Variants in KLF13 observed in about 807,000 individuals in gnomAD.
KLF13 encodes the protein Krueppel-like factor 13.
KLF13 carries 8 observed loss-of-function variants against 16.7 expected under a neutral mutation model. The observed-to-expected ratio is 0.48, with a 90% CI of 0.28 to 0.87. The LOEUF is 0.87. KLF13 is among the 40% of genes least tolerant of loss of function. The probability of loss-of-function intolerance (pLI) is 0.10; values close to 1 mark genes in which losing one functional copy is unlikely to be tolerated. For missense variants in KLF13, 447 were observed against 452.2 expected, an observed-to-expected ratio of 0.99 and a Z score of 0.10; for synonymous variants, 245 against 208.4, an observed-to-expected ratio of 1.18 and a Z score of -1.51.
At chr15:31,362,992 A>G (rs903822695) in intron 1 of KLF13, among the ~76,000 whole-genome samples, 5 of 152,242 alleles carry the variant, frequency 3.3e-5, no homozygotes, top group African/African-American at 1.2e-4. Flanking sequence ...TTGACTAATC[A>G]GGAGCATATC....
chr15:31,382,598 C>T (rs569484223), downstream of KLF13, among the ~76,000 whole-genome samples: 1 of 152,308 alleles, frequency 6.6e-6, no homozygotes, highest in Non-Finnish European at 1.5e-5. Context: ...ATTTCTGGGG[C>T]CTGAACACTG....
At position 31,369,524 on chromosome 15, in the gene KLF13, G is replaced by A. The variant is rs1484737443; in HGVS notation, c.578-2486G>A. Among the ~76,000 whole-genome samples the A allele has an allele frequency of 2.0e-5, 3 of 152,238 alleles. No homozygotes were observed. In the South Asian group the frequency reaches 6.2e-4, roughly 32 times the overall value. On this transcript the variant is annotated intron_variant, in intron 1 of 1. Coordinates refer to ENST00000307145, the MANE Select transcript of KLF13 (RefSeq NM_015995.4). ...TTTTGTATGTCTTTTATTTTTCCTGGAGTTTCTAATTGCCTCTTTTTTCTT... is the reference window on the plus strand; with the variant it reads ...TTTTGTATGTCTTTTATTTTTCCTGAAGTTTCTAATTGCCTCTTTTTTCTT...
intron 1 of KLF13, among the ~76,000 whole-genome samples, chr15:31,332,227 A>G (rs2038846000): frequency 6.6e-6 from 1 of 152,228 alleles, no homozygotes; most frequent in South Asian, 2.1e-4. Flanking sequence ...TTTCAAGGAA[A>G]GAGACCACAC....
chr15:31,353,948 T>G (rs1379015064), intron 1 of KLF13, among the ~76,000 whole-genome samples: 2 of 152,178 alleles, frequency 1.3e-5, no homozygotes, highest in Non-Finnish European at 2.9e-5. Context: ...CTGCCTAGCT[T>G]GAAGACCCCT....
In KLF13 at chr15:31,416,060, C is replaced by G. The variant is rs8042543; in HGVS notation, n.118-19310C>G. ...TGAACAATTGTATGCCAACAAGTTACGTAACAACAAATTAGATAAAACTGA... is the reference window on the plus strand; with the variant it reads ...TGAACAATTGTATGCCAACAAGTTAGGTAACAACAAATTAGATAAAACTGA... On this transcript the variant is annotated intron_variant and non_coding_transcript_variant, in intron 1 of 1. Coordinates refer to the KLF13 transcript ENST00000558225. 6.1e-4 allele frequency among the ~76,000 whole-genome samples: 93 copies of G among 152,022 alleles called. 1 individual carries two copies. In the Middle Eastern group the frequency reaches 0.014, roughly 22 times the overall value.
chr15:31,427,680 GA>G (rs1310377028), intron 1 of KLF13, among the ~76,000 whole-genome samples: 4 of 152,160 alleles, frequency 2.6e-5, no homozygotes, highest in Non-Finnish European at 4.4e-5. Context: ...TTATAAAGAA[GA>G]AAAGTTTAAT....
At chr15:31,340,454 A>G (rs2039002899) in intron 1 of KLF13, among the ~76,000 whole-genome samples, 1 of 152,200 alleles carries the variant, frequency 6.6e-6, no homozygotes, top group Non-Finnish European at 1.5e-5. Flanking sequence ...GGGCCCCAGC[A>G]TCCCTCCTCA....
At chr15:31,368,886 A>C (rs1426780740) in intron 1 of KLF13, among the ~76,000 whole-genome samples, 1 of 152,186 alleles carries the variant, frequency 6.6e-6, no homozygotes, top group African/African-American at 2.4e-5. Flanking sequence ...GGAGCTTGCA[A>C]CAAAAAAAAT....
intron 1 of KLF13, chr15:31,420,752 G>GCA: frequency 1.6e-4 from 36 of 226,266 alleles, no homozygotes; most frequent in Non-Finnish European, 2.7e-4. Flanking sequence ...GAGTGCAGTG[G>GCA]TGAGATCTCA....
At chr15:31,399,720 G>T (rs2040007732) in intron 2 of KLF13, among the ~76,000 whole-genome samples, 1 of 152,244 alleles carries the variant, frequency 6.6e-6, no homozygotes, top group African/African-American at 2.4e-5. Context: ...GTGCCAGGGT[G>T]GGGTCGCTGT....
intron 1 of KLF13, among the ~76,000 whole-genome samples, chr15:31,430,591 G>T (rs1000921928): frequency 2.6e-5 from 4 of 152,260 alleles, no homozygotes; most frequent in African/African-American, 9.6e-5. Flanking sequence ...CATTCACTCT[G>T]CCCTCGTGGC....
At chr15:31,420,625 A>G in intron 1 of KLF13, 1 of 407,270 alleles carries the variant, frequency 2.5e-6, no homozygotes, top group Admixed American at 3.4e-5. Context: ...CCTTCAAGAA[A>G]CCTATTCAAA....
chr15:31,411,714 A>C (rs1233918535), intron 1 of KLF13, among the ~76,000 whole-genome samples: 1 of 152,086 alleles, frequency 6.6e-6, no homozygotes, highest in African/African-American at 2.4e-5. Flanking sequence ...CCAAACAAAA[A>C]TTTTTTAAAA....
intron 1 of KLF13, among the ~76,000 whole-genome samples, chr15:31,426,794 AG>A (rs1218357989): frequency 3.3e-5 from 5 of 152,212 alleles, no homozygotes; most frequent in African/African-American, 1.2e-4. Context: ...TTGGTGTGCA[AG>A]TCAGTGGACC....
chr15:31,365,798 T>G (rs1330840979), intron 1 of KLF13, among the ~76,000 whole-genome samples: 1 of 151,928 alleles, frequency 6.6e-6, no homozygotes, highest in African/African-American at 2.4e-5. Context: ...TGCATTTGCA[T>G]GTGGCTGCTG....
chr15:31,432,480 A>C (rs1214501884), intron 1 of KLF13, among the ~76,000 whole-genome samples: 8 of 122,792 alleles, frequency 6.5e-5, no homozygotes, highest in Non-Finnish European at 9.7e-5. Flanking sequence ...ATAAGGTCTT[A>C]CTCCGTTGCC....
chr15:31,402,784 CCTGGGATGTGTAGG>C (rs2040056897), intron 2 of KLF13, among the ~76,000 whole-genome samples: 1 of 152,204 alleles, frequency 6.6e-6, no homozygotes, highest in Non-Finnish European at 1.5e-5. Flanking sequence ...TCCTCTTTCC[CCTGGGATGTGTAGG>C]CTGTTCTGGC....
At chr15:31,397,055 T>C (rs1309405598) in intron 2 of KLF13, among the ~76,000 whole-genome samples, 1 of 152,040 alleles carries the variant, frequency 6.6e-6, no homozygotes, top group East Asian at 1.9e-4. Flanking sequence ...CTGGTGCCTG[T>C]CCCTACCCTG....
intron 1 of KLF13, among the ~76,000 whole-genome samples, chr15:31,368,581 G>A (rs183061489): frequency 1.3e-5 from 2 of 152,154 alleles, no homozygotes; most frequent in Non-Finnish European, 2.9e-5. Flanking sequence ...CAAGCCAGGC[G>A]TGTGGCTCAT....
Sources: allele counts gnomAD v4.1 joint callset (sites outside exome capture counted in the v4.1 genomes callset), GRCh38; gene constraint gnomAD v4.1.1; transcripts MANE v1.5; gene names NCBI Gene and HGNC (gene_info 2026-07-23, HGNC 2026-07-21).